PGAP1: variants seen among roughly 807,000 people sequenced by gnomAD.
PGAP1 encodes GPI inositol-deacylase.
PGAP1 carries 76 observed loss-of-function variants against 127.0 expected under a neutral mutation model. The observed-to-expected ratio is 0.60, with a 90% CI of 0.50 to 0.72. The LOEUF is 0.72. Among genes scored for constraint, PGAP1 ranks in the 30% least tolerant of loss-of-function variants. The probability of loss-of-function intolerance (pLI) is 0.00; values close to 1 mark genes in which losing one functional copy is unlikely to be tolerated. For missense variants in PGAP1, 982 were observed against 1,071.3 expected (o/e 0.92, Z 1.16); for synonymous variants, 362 against 366.5 (o/e 0.99, Z 0.14).
chr2:196,860,569 TAAATC>T (rs1237456136), intron 20 of PGAP1, among the ~76,000 whole-genome samples: 2 of 151,550 alleles, frequency 1.3e-5, no homozygotes, highest in African/African-American at 4.8e-5. Flanking sequence ...ACAAAAAAAA[TAAATC>T]AAGAGAGTGA....
At chr2:196,899,845 C>T (rs919412030) in intron 5 of PGAP1, among the ~76,000 whole-genome samples, 2 of 152,178 alleles carry the variant, frequency 1.3e-5, no homozygotes, top group East Asian at 3.9e-4. Context: ...ACCAGCCTGG[C>T]TAACATGGTG....
intron 5 of PGAP1, among the ~76,000 whole-genome samples, chr2:196,900,593 A>G (rs1702452756): frequency 6.6e-6 from 1 of 152,240 alleles, no homozygotes; most frequent in South Asian, 2.1e-4. Flanking sequence ...TATCTTCATC[A>G]GAGATACAGA....
intron 7 of PGAP1, among the ~76,000 whole-genome samples, chr2:196,894,887 C>G (rs924681687): frequency 1.3e-5 from 2 of 152,162 alleles, no homozygotes; most frequent in Admixed American, 1.3e-4. Flanking sequence ...TCCATCTACT[C>G]ACAAGTTTTT....
intron 1 of PGAP1, chr2:196,922,577 GACACACACACACACACACAC>G (rs59881211): frequency 3.1e-5 from 12 of 388,326 alleles, no homozygotes; most frequent in Non-Finnish European, 3.4e-5. Context: ...CACACACACA[GACACACACACACACACACAC>G]ACACACACAC....
chr2:196,874,753 C>A (rs1701511042), intron 14 of PGAP1, among the ~76,000 whole-genome samples: 1 of 152,182 alleles, frequency 6.6e-6, no homozygotes, highest in African/African-American at 2.4e-5. Flanking sequence ...TTGGCTCATG[C>A]CTGTAATTCC....
At chr2:196,918,051 AT>A (rs1703073427) in intron 2 of PGAP1, among the ~76,000 whole-genome samples, 1 of 152,088 alleles carries the variant, frequency 6.6e-6, no homozygotes, top group African/African-American at 2.4e-5. Flanking sequence ...GTGCTATCTC[AT>A]TTTTTATTTA....
In PGAP1 at chr2:196,897,195, C is replaced by T; in HGVS notation, c.863G>A (p.Cys288Tyr). The T allele has an allele frequency of 3.8e-6, 6 of 1,563,166 alleles. No individual in the cohort carries two copies. The highest frequency in any genetic ancestry group is 5.2e-6 in the Non-Finnish European group (6 of 1,147,524). ...VSTDHLSIVW[C>Y]KQLQLTTVRA... ...AACTGTAGTCAACTGCAATTGTTTA[C>T]ACCTAAGGAATAAAGTAAGTGTTAC... Residue 288 changes from cysteine to tyrosine, a missense_variant and splice_region_variant, in exon 7 of 27, where the codon TGT (cysteine) becomes TAT (tyrosine). By Grantham distance (194) the Cys-to-Tyr change is radical. Coordinates refer to ENST00000354764, the MANE Select transcript of PGAP1 (RefSeq NM_024989.4).
chr2:196,873,584 TAG>T lies in PGAP1; in HGVS notation c.1501-7_1501-6del. 4 of 1,610,908 alleles carry T rather than the reference TAG, an allele frequency of 2.5e-6. No individual in the cohort carries two copies. The highest frequency in any genetic ancestry group is 3.4e-6 in the Non-Finnish European group (4 of 1,177,872). ...GATTTTAAAAGCTTGGTATATCTAA[TAG>T]AGTTTGACCACAAAAACAAAATATA... On this transcript the variant is annotated splice_polypyrimidine_tract_variant and splice_region_variant and intron_variant, in intron 15 of 26. Coordinates refer to ENST00000354764, the MANE Select transcript of PGAP1 (RefSeq NM_024989.4).
chr2:196,859,671 T>C (rs1371807217), intron 20 of PGAP1, among the ~76,000 whole-genome samples: 1 of 152,152 alleles, frequency 6.6e-6, no homozygotes, highest in Non-Finnish European at 1.5e-5. Flanking sequence ...TTCACCACGA[T>C]GAAGTGGGAT....
At chr2:196,922,070 G>A (rs1202298709) in intron 1 of PGAP1, 8 of 1,036,408 alleles carry the variant, frequency 7.7e-6, no homozygotes, top group Non-Finnish European at 7.4e-6. Context: ...TATTTTAAAT[G>A]AGCAACCCCT....
At chr2:196,885,609 T>G in intron 11 of PGAP1, 134 bp from the exon 12 acceptor site, 1 of 669,528 alleles carries the variant, frequency 1.5e-6, no homozygotes, top group Non-Finnish European at 2.4e-6. Flanking sequence ...TCCAATATAC[T>G]CTGTCCACAT....
intron 20 of PGAP1, among the ~76,000 whole-genome samples, chr2:196,848,538 C>T (rs1251719586): frequency 6.6e-6 from 1 of 152,126 alleles, no homozygotes; most frequent in Non-Finnish European, 1.5e-5. Flanking sequence ...CTGAACACTT[C>T]ACATACATGG....
rs74337641 is a variant in PGAP1, at chr2:196,914,619, C to CAAACA, written c.478-1571_478-1567dup. Among the ~76,000 whole-genome samples, 420 of 144,476 alleles carry CAAACA rather than the reference C, an allele frequency of 2.9e-3. 4 individuals carry two copies. The highest frequency in any genetic ancestry group is 7.0e-3 in the Middle Eastern group (2 of 286). The allele number at this position is 144,476 out of a possible 152,430, so 94.8% of individuals were successfully genotyped here. A position where few individuals can be genotyped will look rare whatever the true frequency, so the allele number is the denominator to read the frequency against. ...CTGGTGACAGAGTGAGACCCTGTCT[C>CAAACA]AAACAAAACAAAACAAAACAAAACA... On this transcript the variant is annotated intron_variant, in intron 3 of 26. Transcript: ENST00000354764.
At chr2:196,916,318 T>A in intron 3 of PGAP1, 100 bp downstream of exon 3, 4 of 1,138,120 alleles carry the variant, frequency 3.5e-6, no homozygotes, top group Non-Finnish European at 4.6e-6. Flanking sequence ...CTGCTTCAAC[T>A]TCCATATAAA....
At chr2:196,875,527 C>T (rs892641132) in intron 14 of PGAP1, among the ~76,000 whole-genome samples, 2 of 152,114 alleles carry the variant, frequency 1.3e-5, no homozygotes, top group Non-Finnish European at 2.9e-5. Flanking sequence ...CACATAGATA[C>T]ACACACGCAA....
chr2:196,862,980 A>G lies in PGAP1; in HGVS notation c.1861+2007T>C, dbSNP rs114893718. Among the ~76,000 whole-genome samples the G allele has an allele frequency of 6.4e-3, 981 of 152,302 alleles. 4 individuals are homozygous for G. Among genetic ancestry groups the G allele is most frequent in the Middle Eastern group, 0.02 (6 of 294 alleles). ...ATTTTTTTAAATGTTCAACATCACT[A>G]ATCACCAGTGAAATGTACGTCAAAA... On this transcript the variant is annotated intron_variant, in intron 20 of 26. Coordinates refer to ENST00000354764, the MANE Select transcript of PGAP1 (RefSeq NM_024989.4).
At chr2:196,911,605 A>T (rs1475078604) in intron 4 of PGAP1, among the ~76,000 whole-genome samples, 1 of 39,634 alleles carries the variant, frequency 2.5e-5, no homozygotes, top group Admixed American at 2.7e-4. Context: ...TTAGAGTATA[A>T]TAAAAAAAAA....
chr2:196,867,380 A>G (rs2125795179), intron 19 of PGAP1, among the ~76,000 whole-genome samples: 1 of 152,324 alleles, frequency 6.6e-6, no homozygotes, highest in South Asian at 2.1e-4. Flanking sequence ...CAAGAACAGA[A>G]AACCAAACAC....
intron 20 of PGAP1, among the ~76,000 whole-genome samples, chr2:196,863,469 TAGAA>T (rs1701134301): frequency 6.6e-6 from 1 of 152,134 alleles, no homozygotes; most frequent in South Asian, 2.1e-4. Flanking sequence ...AAGTCAGGCA[TAGAA>T]AGACAAATAT....
Sources: allele counts gnomAD v4.1 joint callset (sites outside exome capture counted in the v4.1 genomes callset), GRCh38; gene constraint gnomAD v4.1.1; transcripts MANE v1.5; gene names NCBI Gene and HGNC (gene_info 2026-07-23, HGNC 2026-07-21).